PPIP5K2: variants seen among roughly 807,000 people sequenced by gnomAD.
PPIP5K2 encodes inositol hexakisphosphate and diphosphoinositol-pentakisphosphate kinase 2.
PPIP5K2 carries 105 observed loss-of-function variants against 154.6 expected under a neutral mutation model. That is an observed-to-expected ratio of 0.68 (90% confidence interval 0.58 to 0.80). The LOEUF (loss-of-function observed/expected upper bound fraction) is 0.80. PPIP5K2 is among the 30% of genes least tolerant of loss of function. PPIP5K2 has a pLI of 0.00. For missense variants in PPIP5K2, 992 were observed against 1,504.6 expected (o/e 0.66, Z 5.64); for synonymous variants, 480 against 490.3 (o/e 0.98, Z 0.28).
intron 24 of PPIP5K2, 135 bp from the exon 25 acceptor site, chr5:103,183,099 T>C (rs1456888840): frequency 6.0e-5 from 50 of 827,852 alleles, no homozygotes; most frequent in Non-Finnish European, 7.8e-5. Context: ...AAAAAATTAA[T>C]AAGCAAATAT....
intron 17 of PPIP5K2, among the ~76,000 whole-genome samples, chr5:103,164,261 C>G (rs1353339099): frequency 6.6e-6 from 1 of 151,690 alleles, no homozygotes; most frequent in Non-Finnish European, 1.5e-5. Flanking sequence ...TCTTCTTGAT[C>G]AGTTTCACCA....
At chr5:103,198,884 T>G (rs1554229395) in intron 30 of PPIP5K2, among the ~76,000 whole-genome samples, 1 of 152,150 alleles carries the variant, frequency 6.6e-6, no homozygotes, top group Non-Finnish European at 1.5e-5. Flanking sequence ...TACCTCATTT[T>G]GTACTAATTC....
rs145571383 is a variant in PPIP5K2 at position 103,182,011 on chromosome 5, G to T, written c.2923-1223G>T. Among the ~76,000 whole-genome samples the T allele has an allele frequency of 6.1e-4, 93 of 152,166 alleles. 1 individual carries two copies. The highest frequency in any genetic ancestry group is 2.2e-3 in the African/African-American group (91 of 41,546). On this transcript the variant is annotated intron_variant, in intron 24 of 30. Coordinates refer to ENST00000358359, the MANE Select transcript of PPIP5K2 (RefSeq NM_001276277.3). Reference sequence around the variant, plus strand: ...TATAGAACTTGGAATTATTTGTTCTGTTATAACTTAATGGAAAAAATGAAA... The same window carrying T: ...TATAGAACTTGGAATTATTTGTTCTTTTATAACTTAATGGAAAAAATGAAA...
At chr5:103,144,627 G>A (rs782325062) in intron 5 of PPIP5K2, among the ~76,000 whole-genome samples, 1 of 152,118 alleles carries the variant, frequency 6.6e-6, no homozygotes, top group Non-Finnish European at 1.5e-5. Context: ...CACATTTGCA[G>A]TTAACTCATT....
chr5:103,142,435 C>T (rs1040583453), intron 5 of PPIP5K2, among the ~76,000 whole-genome samples: 2 of 152,182 alleles, frequency 1.3e-5, no homozygotes, highest in Non-Finnish European at 2.9e-5. Context: ...CATCTCCCTG[C>T]AACCTGAGGG....
chr5:103,180,537 ATGGAT>A (rs1192306853), intron 24 of PPIP5K2, among the ~76,000 whole-genome samples: 2 of 152,050 alleles, frequency 1.3e-5, no homozygotes, highest in African/African-American at 2.4e-5. Flanking sequence ...GCCTGATTTA[ATGGAT>A]CAAGAATAAT....
At chr5:103,154,371 A>G (rs1292104409) in intron 11 of PPIP5K2, among the ~76,000 whole-genome samples, 2 of 152,052 alleles carry the variant, frequency 1.3e-5, no homozygotes, top group Non-Finnish European at 2.9e-5. Context: ...TTCAATGTAT[A>G]TGCAATGACT....
chr5:103,183,508 T>A, intron 25 of PPIP5K2, 101 bp downstream of exon 25: 2 of 989,336 alleles, frequency 2.0e-6, no homozygotes, highest in African/African-American at 1.7e-5. Flanking sequence ...CACATCAGAG[T>A]AAATCCTTCT....
At position 103,207,802 on chromosome 5, in the gene PPIP5K2, A is replaced by G. The variant is rs1403027496; in HGVS notation, c.*6168A>G. The G allele has an allele frequency of 6.6e-6, 1 of 152,012 alleles. No homozygotes were observed. Among genetic ancestry groups the G allele is most frequent in the Non-Finnish European group, 1.5e-5 (1 of 68,012 alleles). The allele number at this position is 152,012 out of a possible 1,614,324, so 9.4% of individuals were successfully genotyped here. A position where few individuals can be genotyped will look rare whatever the true frequency, so the allele number is the denominator to read the frequency against. On this transcript the variant is annotated 3_prime_UTR_variant, in exon 31 of 31. Coordinates refer to ENST00000358359, the MANE Select transcript of PPIP5K2 (RefSeq NM_001276277.3). Reference sequence around the variant, plus strand: ...TCTATTTCCTTAAGTTCTTTGAGTTATGACAGTATATTTGGTCACATTTTT... The same window carrying G: ...TCTATTTCCTTAAGTTCTTTGAGTTGTGACAGTATATTTGGTCACATTTTT...
intron 17 of PPIP5K2, among the ~76,000 whole-genome samples, chr5:103,163,575 C>G (rs1289749991): frequency 6.6e-6 from 1 of 151,474 alleles, no homozygotes; most frequent in East Asian, 1.9e-4. Flanking sequence ...TAGGTAGGAC[C>G]CTCAAAATAA....
At chr5:103,172,188 T>A (rs1798078280) in intron 19 of PPIP5K2, among the ~76,000 whole-genome samples, 1 of 151,716 alleles carries the variant, frequency 6.6e-6, no homozygotes, top group Non-Finnish European at 1.5e-5. Flanking sequence ...TACACATAAA[T>A]ACACAGTTGC....
At chr5:103,160,566 T>C (rs539821140) in intron 17 of PPIP5K2, among the ~76,000 whole-genome samples, 4 of 152,320 alleles carry the variant, frequency 2.6e-5, no homozygotes, top group African/African-American at 9.6e-5. Context: ...ATAGTAAATA[T>C]TTTATTTAAA....
At chr5:103,157,527 C>G (rs1007332576) in intron 14 of PPIP5K2, among the ~76,000 whole-genome samples, 1 of 151,960 alleles carries the variant, frequency 6.6e-6, no homozygotes, top group African/African-American at 2.4e-5. Context: ...GCCTTAATCC[C>G]AGCACTTTAG....
At chr5:103,197,569 ATTTTT>A (rs782156090) in intron 30 of PPIP5K2, among the ~76,000 whole-genome samples, 1 of 86,974 alleles carries the variant, frequency 1.1e-5, no homozygotes, top group Non-Finnish European at 2.1e-5. Context: ...TAAAACACAA[ATTTTT>A]TTTTTTTTTT....
intron 5 of PPIP5K2, among the ~76,000 whole-genome samples, chr5:103,144,457 C>A (rs1287820180): frequency 6.6e-6 from 1 of 152,060 alleles, no homozygotes; most frequent in Non-Finnish European, 1.5e-5. Flanking sequence ...ACAAAAAACT[C>A]AGAATAGCCA....
intron 5 of PPIP5K2, among the ~76,000 whole-genome samples, chr5:103,144,094 A>G (rs1447406787): frequency 1.3e-5 from 2 of 152,276 alleles, no homozygotes; most frequent in African/African-American, 4.8e-5. Flanking sequence ...AGGATACAAT[A>G]TTAACTTACA....
At chr5:103,195,105 GT>G (rs1460185221) in intron 30 of PPIP5K2, 80 bp downstream of exon 30, 3 of 1,550,554 alleles carry the variant, frequency 1.9e-6, no homozygotes, top group South Asian at 1.2e-5. Context: ...TGTCAAATTT[GT>G]TTTTAATTAG....
intron 18 of PPIP5K2, 83 bp from the exon 19 acceptor site, chr5:103,167,989 A>G: frequency 1.1e-6 from 1 of 876,792 alleles, no homozygotes; most frequent in South Asian, 1.8e-5. Context: ...ACACTTTAAA[A>G]AGTTTCTAAT....
chr5:103,170,731 C>A (rs1266777347), intron 19 of PPIP5K2, among the ~76,000 whole-genome samples: 1 of 150,546 alleles, frequency 6.6e-6, no homozygotes, highest in Non-Finnish European at 1.5e-5. Context: ...CTCATAAATA[C>A]AAAAACTGTG....
Sources: allele counts gnomAD v4.1 joint callset (sites outside exome capture counted in the v4.1 genomes callset), GRCh38; gene constraint gnomAD v4.1.1; transcripts MANE v1.5; gene names NCBI Gene and HGNC (gene_info 2026-07-23, HGNC 2026-07-21).